Variants in KIF13B observed in about 807,000 individuals in gnomAD.
The protein encoded by KIF13B is kinesin-like protein KIF13B.
KIF13B carries 127 observed loss-of-function variants against 222.0 expected under a neutral mutation model. The ratio of observed to expected loss-of-function variants is 0.57; its 90% CI spans 0.50 to 0.66. The LOEUF (loss-of-function observed/expected upper bound fraction) is 0.66. KIF13B is among the 30% of genes least tolerant of loss of function. The pLI is 0.00. For missense variants in KIF13B, 2,173 were observed against 2,379.0 expected (o/e 0.91, Z 1.80); for synonymous variants, 976 against 919.0 (o/e 1.06, Z -1.12).
chr8:29,184,092 C>T (rs1812829276), intron 6 of KIF13B, among the ~76,000 whole-genome samples: 2 of 152,068 alleles, frequency 1.3e-5, no homozygotes, highest in South Asian at 4.1e-4. Context: ...ATTTACTTCT[C>T]GCCCAGGATA....
chr8:29,186,288 T>C lies in KIF13B; in HGVS notation c.497+4A>G, dbSNP rs757183661. On this transcript the variant is annotated splice_donor_region_variant and intron_variant, in intron 6 of 39. Coordinates refer to ENST00000524189, the MANE Select transcript of KIF13B (RefSeq NM_015254.4). ...TGAAACACTAAAGTCTCAAAGTCCT[T>C]TACCCTTTGGGATCAAGAAGGTCTC... 3.1e-6 allele frequency: 5 copies of C among 1,607,662 alleles called. No individual in the cohort carries two copies. In the Admixed American group the frequency reaches 8.4e-5, roughly 27 times the overall value.
intron 18 of KIF13B, among the ~76,000 whole-genome samples, chr8:29,143,040 G>C (rs1810889666): frequency 6.6e-6 from 1 of 152,044 alleles, no homozygotes; most frequent in Non-Finnish European, 1.5e-5. Flanking sequence ...TTTGCATAGA[G>C]ACAGGGTCTT....
intron 2 of KIF13B, among the ~76,000 whole-genome samples, chr8:29,224,683 C>T (rs1814938750): frequency 1.3e-5 from 2 of 148,842 alleles, no homozygotes; most frequent in Non-Finnish European, 3.0e-5. Context: ...TTCATTCTAT[C>T]CACGTTAAGA....
In KIF13B at chr8:29,130,468, AAAG is replaced by A; in HGVS notation, c.3075+62_3075+64del. 3 of 1,527,902 alleles carry A rather than the reference AAAG, an allele frequency of 2.0e-6. No individual in the cohort carries two copies. In the South Asian group the frequency reaches 3.4e-5, roughly 17 times the overall value. 94.6% of individuals were successfully genotyped at this position (1,527,902 alleles called of 1,614,324 possible). On this transcript the variant is annotated intron_variant, in intron 24 of 39. Coordinates refer to ENST00000524189, the MANE Select transcript of KIF13B (RefSeq NM_015254.4). ...TCATTATTGCCAACATTTCCACTAAAAAGAAGCCAATATTAAGCTTTCTGGCAC... is the reference window on the plus strand; with the variant it reads ...TCATTATTGCCAACATTTCCACTAAAAAGCCAATATTAAGCTTTCTGGCAC...
intron 4 of KIF13B, chr8:29,190,143 C>G (rs557472417): frequency 6.6e-5 from 10 of 152,296 alleles, no homozygotes; most frequent in Admixed American, 3.3e-4. Context: ...TTTTACCTGC[C>G]GGAGGCAAGA....
At chr8:29,243,898 T>C (rs1391594003) in intron 2 of KIF13B, among the ~76,000 whole-genome samples, 2 of 152,228 alleles carry the variant, frequency 1.3e-5, no homozygotes, top group Non-Finnish European at 2.9e-5. Context: ...TATTTGATCT[T>C]TGTGGGAAAA....
At position 29,160,731 on chromosome 8, in the gene KIF13B, A is replaced by G; in HGVS notation, c.1404+2T>C. Reference sequence around the variant, plus strand: ...ATCTAGTAGCAAAGCACATTACTTCACCTTTAAATAGTACACCAGAAGCTC... The same window carrying G: ...ATCTAGTAGCAAAGCACATTACTTCGCCTTTAAATAGTACACCAGAAGCTC... On this transcript the variant is annotated splice_donor_variant, in intron 13 of 39. Coordinates refer to ENST00000524189, the MANE Select transcript of KIF13B (RefSeq NM_015254.4). LOFTEE classifies it high-confidence loss of function. 1 of 1,609,952 alleles carries G rather than the reference A, an allele frequency of 6.2e-7. No homozygotes were observed. The highest frequency in any genetic ancestry group is 8.5e-7 in the Non-Finnish European group (1 of 1,178,202).
At chr8:29,180,080 C>T (rs1171580167) in intron 8 of KIF13B, 24 bp downstream of exon 8, 6 of 1,611,102 alleles carry the variant, frequency 3.7e-6, no homozygotes, top group Non-Finnish European at 4.2e-6. Context: ...AATATAAAAA[C>T]AGGTCATGCA....
At chr8:29,119,016 A>T (rs924418833) in intron 29 of KIF13B, 24 bp from the exon 30 acceptor site, 20 of 1,606,394 alleles carry the variant, frequency 1.2e-5, no homozygotes, top group Non-Finnish European at 1.5e-5. Flanking sequence ...AGTTCCATTA[A>T]ATACTGAGAT....
intron 2 of KIF13B, among the ~76,000 whole-genome samples, chr8:29,205,788 C>T (rs950028132): frequency 6.6e-6 from 1 of 151,924 alleles, no homozygotes; most frequent in Admixed American, 6.6e-5. Flanking sequence ...CTTGGTACTT[C>T]AAATTAAAAA....
intron 12 of KIF13B, among the ~76,000 whole-genome samples, chr8:29,162,941 C>T (rs547667207): frequency 2.0e-5 from 3 of 152,154 alleles, no homozygotes; most frequent in South Asian, 2.1e-4. Flanking sequence ...TTCCTGCTGC[C>T]GAAGCCATAC....
Position 29,154,049 on chromosome 8 carries a change from T to C in KIF13B, c.1535+1677A>G, listed in dbSNP as rs183197433. Among the ~76,000 whole-genome samples, 30 of 152,352 alleles carry C rather than the reference T, an allele frequency of 2.0e-4. No individual in the cohort carries two copies. The East Asian group carries it at 5.8e-3, about 29-fold the overall frequency. On this transcript the variant is annotated intron_variant, in intron 14 of 39. Coordinates refer to ENST00000524189, the MANE Select transcript of KIF13B (RefSeq NM_015254.4). Reference sequence around the variant, plus strand: ...GATCTTGGCGAGGCACAGTAGTTTATGCCTGTAATCCAGCACTTTGTGAGG... The same window carrying C: ...GATCTTGGCGAGGCACAGTAGTTTACGCCTGTAATCCAGCACTTTGTGAGG...
intron 35 of KIF13B, 124 bp downstream of exon 35, chr8:29,108,015 G>A (rs1809174794): frequency 6.7e-6 from 5 of 750,104 alleles, no homozygotes; most frequent in South Asian, 5.4e-5. Context: ...TTTCAAGTAA[G>A]TTTCACATAA....
At chr8:29,224,524 T>C (rs1006374096) in intron 2 of KIF13B, among the ~76,000 whole-genome samples, 1 of 152,234 alleles carries the variant, frequency 6.6e-6, no homozygotes, top group East Asian at 1.9e-4. Flanking sequence ...CAGCTGTGAT[T>C]TGTATTGGTG....
intron 1 of KIF13B, among the ~76,000 whole-genome samples, chr8:29,260,655 C>A (rs181182714): frequency 2.0e-5 from 3 of 151,042 alleles, no homozygotes; most frequent in Non-Finnish European, 4.4e-5. Context: ...TCACTCTTGT[C>A]GCCCAGGGTG....
In KIF13B at chr8:29,099,377, C is replaced by CT. The variant is rs957238471; in HGVS notation, c.4216-137dup. ...GAATATAAGCTTGATTACATCAGCA[C>CT]TTTTTTTTTCTATTTTAAGAGACAG... On this transcript the variant is annotated intron_variant, in intron 35 of 39. Coordinates refer to ENST00000524189, the MANE Select transcript of KIF13B (RefSeq NM_015254.4). 1.4e-3 allele frequency: 848 copies of CT among 618,002 alleles called. 4 individuals are homozygous for CT. Among genetic ancestry groups the CT allele is most frequent in the East Asian group, 0.013 (439 of 34,508 alleles). The allele number at this position is 618,002 out of a possible 1,614,324, so 38.3% of individuals were successfully genotyped here.
At chr8:29,256,116 C>T (rs1007985839) in intron 1 of KIF13B, among the ~76,000 whole-genome samples, 3 of 152,346 alleles carry the variant, frequency 2.0e-5, no homozygotes, top group African/African-American at 7.2e-5. Flanking sequence ...TCCAGGCACA[C>T]ACTGCATCTT....
At chr8:29,166,591 C>A (rs755266130) in intron 11 of KIF13B, among the ~76,000 whole-genome samples, 1 of 151,712 alleles carries the variant, frequency 6.6e-6, no homozygotes, top group Non-Finnish European at 1.5e-5. Context: ...GTAATCCCAG[C>A]TACTCAGGAG....
At chr8:29,099,020 T>C in intron 36 of KIF13B, 113 bp downstream of exon 36, 1 of 843,852 alleles carries the variant, frequency 1.2e-6, no homozygotes, top group Non-Finnish European at 2.0e-6. Flanking sequence ...ATGAAACAAC[T>C]CGATGGACAT....
Sources: allele counts gnomAD v4.1 joint callset (sites outside exome capture counted in the v4.1 genomes callset), GRCh38; gene constraint gnomAD v4.1.1; transcripts MANE v1.5; gene names NCBI Gene and HGNC (gene_info 2026-07-23, HGNC 2026-07-21).